ANKRD45: variants seen among roughly 807,000 people sequenced by gnomAD.
ANKRD45 encodes ankyrin repeat domain 45, also known as ankyrin repeat domain-containing protein 45.
In ANKRD45, 21 loss-of-function variants were observed where a neutral mutation model predicts 28.1. The observed-to-expected ratio is 0.75, with a 90% CI of 0.53 to 1.08. ANKRD45 has a LOEUF of 1.08. Among genes scored for constraint, ANKRD45 ranks in the 50% least tolerant of loss-of-function variants. ANKRD45 has a pLI of 0.00. For missense variants in ANKRD45, 261 were observed against 308.7 expected, an observed-to-expected ratio of 0.85 and a Z score of 1.16; for synonymous variants, 86 against 103.9, an observed-to-expected ratio of 0.83 and a Z score of 1.05.
At chr1:173,650,280 G>C (rs992656861) in intron 2 of ANKRD45, among the ~76,000 whole-genome samples, 2 of 151,948 alleles carry the variant, frequency 1.3e-5, no homozygotes, top group Non-Finnish European at 2.9e-5. Context: ...AATAGACCCC[G>C]GTGTGTGATG....
the ANKRD45 span, among the ~76,000 whole-genome samples, chr1:173,697,464 C>G: frequency 6.6e-6 from 1 of 152,210 alleles, no homozygotes; most frequent in Non-Finnish European, 1.5e-5. Context: ...AACAGCGGCT[C>G]TCTCAGCAGA....
chr1:173,635,848 G>A (rs1421014336), intron 3 of ANKRD45: 11 of 1,520,002 alleles, frequency 7.2e-6, no homozygotes, highest in Non-Finnish European at 7.9e-6. Context: ...AAAAAAAGGT[G>A]AATTCGTGAT....
In ANKRD45 at chr1:173,647,014, C is replaced by A. The variant is rs1222969162; in HGVS notation, c.329-1G>T. On this transcript the variant is annotated splice_acceptor_variant, in intron 2 of 5. Transcript: ENST00000333279. LOFTEE classifies it high-confidence loss of function. ...GCAGCACAATGTAAGAGTGTGTACC[C>A]TAACAAATGGAATGAAGATGGTGAG... 1.2e-6 allele frequency: 2 copies of A among 1,611,944 alleles called. No homozygotes were observed. Among genetic ancestry groups the A allele is most frequent in the South Asian group, 2.2e-5 (2 of 90,818 alleles).
At chr1:173,661,566 G>A (rs1669777144) in intron 1 of ANKRD45, among the ~76,000 whole-genome samples, 1 of 152,172 alleles carries the variant, frequency 6.6e-6, no homozygotes, top group South Asian at 2.1e-4. Context: ...GAACTAAGTA[G>A]GTTTCAAGGA....
At chr1:173,706,710 C>T in the ANKRD45 span, among the ~76,000 whole-genome samples, 1 of 152,150 alleles carries the variant, frequency 6.6e-6, no homozygotes, top group African/African-American at 2.4e-5. Flanking sequence ...AATCAGCCCC[C>T]TAATAAGAGT....
chr1:173,643,000 G>A (rs1299877184), intron 3 of ANKRD45, among the ~76,000 whole-genome samples: 1 of 152,084 alleles, frequency 6.6e-6, no homozygotes, highest in Non-Finnish European at 1.5e-5. Context: ...TTGTCTCAGT[G>A]TTGATTTTTG....
intron 2 of ANKRD45, among the ~76,000 whole-genome samples, chr1:173,651,036 G>C (rs1024109302): frequency 1.3e-5 from 2 of 152,118 alleles, no homozygotes; most frequent in Non-Finnish European, 2.9e-5. Context: ...CTCCCATCCT[G>C]TAGGTTGTCT....
chr1:173,626,624 C>T (rs371235941), intron 4 of ANKRD45, among the ~76,000 whole-genome samples: 4 of 152,140 alleles, frequency 2.6e-5, no homozygotes, highest in African/African-American at 7.2e-5. Flanking sequence ...CATCCCACCC[C>T]CCGACTGCCT....
intron 2 of ANKRD45, among the ~76,000 whole-genome samples, chr1:173,653,327 C>CTTTAT (rs1490409034): frequency 6.6e-6 from 1 of 152,142 alleles, no homozygotes; most frequent in African/African-American, 2.4e-5. Flanking sequence ...CAAAAAACAT[C>CTTTAT]TTTATTTCTG....
At position 173,610,127 on chromosome 1, in the gene ANKRD45, C is replaced by A. The variant is rs766575616; in HGVS notation, c.*18G>T. 1 of 1,610,696 alleles carries A rather than the reference C, an allele frequency of 6.2e-7. No individual in the cohort carries two copies. The highest frequency in any genetic ancestry group is 8.5e-7 in the Non-Finnish European group (1 of 1,178,154). ...TTCAGATACTAAAAGAAAATGTGGC[C>A]TTTTACAGAACGTATGTTCAGTTGG... On this transcript the variant is annotated 3_prime_UTR_variant, in exon 6 of 6. Coordinates refer to ENST00000333279, the MANE Select transcript of ANKRD45 (RefSeq NM_198493.3).
chr1:173,626,999 A>C, intron 4 of ANKRD45, 66 bp downstream of exon 4: 1 of 1,222,048 alleles, frequency 8.2e-7, no homozygotes, highest in Non-Finnish European at 1.2e-6. Flanking sequence ...ACATCAGTGC[A>C]AAAATTAAAA....
At chr1:173,638,931 G>A (rs550683694) in intron 3 of ANKRD45, among the ~76,000 whole-genome samples, 24 of 152,196 alleles carry the variant, frequency 1.6e-4, no homozygotes, top group African/African-American at 5.5e-4. Context: ...AAAACAGGAC[G>A]GCACTGGTTT....
At chr1:173,650,170 T>A (rs905591519) in intron 2 of ANKRD45, among the ~76,000 whole-genome samples, 1 of 152,214 alleles carries the variant, frequency 6.6e-6, no homozygotes, top group Non-Finnish European at 1.5e-5. Context: ...GTTTGTTACA[T>A]AGGTATACAT....
At position 173,646,771 on chromosome 1, in the gene ANKRD45, T is replaced by C. The variant is rs987963514; in HGVS notation, c.496+75A>G. 1.6e-4 allele frequency: 223 copies of C among 1,422,104 alleles called. 1 individual carries two copies. The highest frequency in any genetic ancestry group is 3.7e-4 in the Middle Eastern group (2 of 5,456). The allele number at this position is 1,422,104 out of a possible 1,614,324, so 88.1% of individuals were successfully genotyped here. On this transcript the variant is annotated intron_variant, in intron 3 of 5. Coordinates refer to ENST00000333279, the MANE Select transcript of ANKRD45 (RefSeq NM_198493.3). ...ACAAACAAAACACTGTGAAAAAAGG[T>C]GACATATCCTGTAACTCATAGGAGA...
chr1:173,660,934 T>C (rs759285503), intron 1 of ANKRD45, among the ~76,000 whole-genome samples: 1 of 152,166 alleles, frequency 6.6e-6, no homozygotes, highest in Non-Finnish European at 1.5e-5. Context: ...TGAATGAGTG[T>C]TGTTTTTAAC....
chr1:173,628,350 C>T (rs142958028), intron 3 of ANKRD45, among the ~76,000 whole-genome samples: 368 of 152,150 alleles, frequency 2.4e-3, no homozygotes, highest in Non-Finnish European at 4.3e-3. Flanking sequence ...GATTCCAAGC[C>T]TTGGCTCCTG....
the ANKRD45 span, among the ~76,000 whole-genome samples, chr1:173,695,066 TCCTA>T: frequency 3.3e-5 from 5 of 152,188 alleles, no homozygotes; most frequent in Admixed American, 1.3e-4. Flanking sequence ...CTCTGGCCCT[TCCTA>T]CCTATGTTAA....
the ANKRD45 span, among the ~76,000 whole-genome samples, chr1:173,712,620 G>A: frequency 1.7e-3 from 259 of 152,214 alleles, 2 homozygotes; most frequent in South Asian, 4.1e-3. Context: ...TTGCTTCTGC[G>A]TGCACACCCC....
At chr1:173,616,343 A>G (rs564930367) in intron 5 of ANKRD45, among the ~76,000 whole-genome samples, 4 of 152,242 alleles carry the variant, frequency 2.6e-5, no homozygotes, top group Admixed American at 1.3e-4. Flanking sequence ...AAAAAGTTAA[A>G]AAAAAAATGT....
Sources: gnomAD v4.1 joint callset for allele counts (sites outside exome capture counted in the v4.1 genomes callset) on GRCh38, gnomAD v4.1.1 for gene constraint, MANE v1.5 for transcripts, NCBI Gene and HGNC (gene_info 2026-07-23, HGNC 2026-07-21) for gene names.